The following FBLN2 variants were observed in gnomAD, a reference collection of about 807,000 sequenced individuals.
FBLN2 encodes the protein fibulin-2.
A neutral mutation model predicts 123.7 loss-of-function variants in FBLN2; 81 were observed. The observed-to-expected ratio is 0.65, with a 90% CI of 0.55 to 0.79. FBLN2 has a LOEUF of 0.79. Ranked by LOEUF, FBLN2 falls within the 30% of genes least tolerant of loss-of-function variation. FBLN2 has a pLI of 0.00. For missense variants in FBLN2, 1,603 were observed against 1,681.3 expected (o/e 0.95, Z 0.81); for synonymous variants, 699 against 701.4 (o/e 1.00, Z 0.05).
chr3:13,609,674 T>TGGGGGGGG, intron 4 of FBLN2, 32 bp downstream of exon 4: 3 of 62,574 alleles, frequency 4.8e-5, no homozygotes, highest in Non-Finnish European at 8.4e-5. Context: ...CAAGGCAGGG[T>TGGGGGGGG]GGGGTGGGGC....
At chr3:13,631,109 A>G (rs1473051611) in intron 15 of FBLN2, among the ~76,000 whole-genome samples, 2 of 152,236 alleles carry the variant, frequency 1.3e-5, no homozygotes, top group Non-Finnish European at 2.9e-5. Flanking sequence ...CTCAGCTGGT[A>G]GTAGCAGTCA....
chr3:13,560,719 C>G (rs1703580613), intron 1 of FBLN2, among the ~76,000 whole-genome samples: 1 of 152,194 alleles, frequency 6.6e-6, no homozygotes, highest in Non-Finnish European at 1.5e-5. Context: ...ATTTCCCTTC[C>G]TTCCGTTTCT....
intron 1 of FBLN2, among the ~76,000 whole-genome samples, chr3:13,555,886 C>T (rs74826789): frequency 0.037 from 5,673 of 152,320 alleles, 378 homozygotes; most frequent in African/African-American, 0.13. Context: ...ACAAGATCAC[C>T]GAGCGTTGGT....
At chr3:13,583,099 G>A (rs996960345) in intron 2 of FBLN2, among the ~76,000 whole-genome samples, 1 of 152,256 alleles carries the variant, frequency 6.6e-6, no homozygotes, top group Non-Finnish European at 1.5e-5. Context: ...CGAGCTGCGA[G>A]ACCCCTCCTT....
In FBLN2 at chr3:13,637,885, A is replaced by G. The variant is rs757739829; in HGVS notation, c.3662A>G (p.Lys1221Arg). 3 of 1,603,186 alleles carry G rather than the reference A, an allele frequency of 1.9e-6. No homozygotes were observed. Among genetic ancestry groups the G allele is most frequent in the Non-Finnish European group, 2.6e-6 (3 of 1,172,572 alleles). ...RQGSVTTFLA[K>R]MHIFFTTFAL ...GGCTCCGTCACCACCTTCCTGGCCA[A>G]GATGCACATCTTCTTCACCACCTTT... The change falls in exon 18 of 18, where the codon AAG becomes AGG. Residue 1221 changes from lysine to arginine, a missense_variant. Coordinates refer to ENST00000404922, the MANE Select transcript of FBLN2 (RefSeq NM_001004019.2).
At chr3:13,553,487 C>T (rs1268824298) in intron 1 of FBLN2, among the ~76,000 whole-genome samples, 4 of 152,148 alleles carry the variant, frequency 2.6e-5, no homozygotes, top group East Asian at 1.9e-4. Flanking sequence ...CCCTCGTGTA[C>T]GGGGCACCAC....
intron 4 of FBLN2, among the ~76,000 whole-genome samples, chr3:13,611,293 C>T (rs1053666650): frequency 6.6e-6 from 1 of 152,146 alleles, no homozygotes; most frequent in Non-Finnish European, 1.5e-5. Context: ...TAAAATTGAT[C>T]GTCTGAACCA....
chr3:13,607,623 T>G (rs1208376831), intron 2 of FBLN2, among the ~76,000 whole-genome samples: 1 of 152,168 alleles, frequency 6.6e-6, no homozygotes, highest in Non-Finnish European at 1.5e-5. Flanking sequence ...CATCTTAGGT[T>G]GGGTTCCTTA....
chr3:13,591,991 G>T (rs1377725495), intron 2 of FBLN2, among the ~76,000 whole-genome samples: 1 of 147,360 alleles, frequency 6.8e-6, no homozygotes, highest in Non-Finnish European at 1.5e-5. Context: ...GGCTGCATCT[G>T]TATGGTCTGT....
At chr3:13,575,565 C>T (rs1432619997) in intron 2 of FBLN2, among the ~76,000 whole-genome samples, 1 of 152,144 alleles carries the variant, frequency 6.6e-6, no homozygotes, top group East Asian at 1.9e-4. Flanking sequence ...TCAAAGCCCA[C>T]ACCTAAAAAA....
intron 5 of FBLN2, among the ~76,000 whole-genome samples, chr3:13,617,145 TCCATCCATCCATCCATC>T (rs1705641010): frequency 2.0e-5 from 3 of 149,978 alleles, no homozygotes; most frequent in African/African-American, 7.5e-5. Flanking sequence ...CATTCATCAA[TCCATCCATCCATCCATC>T]CATCCATCCA....
At chr3:13,615,882 G>A (rs1705583951) in intron 5 of FBLN2, among the ~76,000 whole-genome samples, 1 of 152,196 alleles carries the variant, frequency 6.6e-6, no homozygotes, top group Non-Finnish European at 1.5e-5. Flanking sequence ...CCTTGGTTCC[G>A]ATTGACCCAG....
intron 2 of FBLN2, among the ~76,000 whole-genome samples, chr3:13,592,465 G>T (rs1026704691): frequency 1.3e-5 from 2 of 152,148 alleles, no homozygotes; most frequent in Admixed American, 6.5e-5. Flanking sequence ...TTTCAAGATT[G>T]TTTCAGCTGT....
At chr3:13,614,939 T>TCCATCCAC (rs572113819) in intron 5 of FBLN2, among the ~76,000 whole-genome samples, 4,019 of 146,438 alleles carry the variant, frequency 0.027, 102 homozygotes, top group Non-Finnish European at 0.038. Flanking sequence ...CATCCATCCA[T>TCCATCCAC]CCACCCACCC....
At chr3:13,618,848 C>A in intron 6 of FBLN2, 56 bp from the exon 7 acceptor site, 1 of 1,341,710 alleles carries the variant, frequency 7.5e-7, no homozygotes, top group Non-Finnish European at 1.0e-6. Context: ...GTGCCTGAGG[C>A]CTGGCTGAAG....
intron 1 of FBLN2, among the ~76,000 whole-genome samples, chr3:13,566,229 G>A (rs753058955): frequency 3.3e-5 from 5 of 152,200 alleles, no homozygotes; most frequent in Non-Finnish European, 5.9e-5. Flanking sequence ...TGCAGAAGCC[G>A]GGGTTGTGGG....
intron 2 of FBLN2, among the ~76,000 whole-genome samples, chr3:13,607,834 T>A (rs1002622558): frequency 6.6e-6 from 1 of 152,056 alleles, no homozygotes; most frequent in African/African-American, 2.4e-5. Flanking sequence ...TCTGGCCCCA[T>A]GTTAACCTGT....
chr3:13,595,282 G>A lies in FBLN2; in HGVS notation c.1307-12780G>A, dbSNP rs545781328. ...CAGTGGGGATGCAGAAGCCGGTGCT[G>A]AGGGGGCTGGCTGGGGCTGCTCTGC... On this transcript the variant is annotated intron_variant, in intron 2 of 17. Coordinates refer to ENST00000404922, the MANE Select transcript of FBLN2 (RefSeq NM_001004019.2). 2.0e-3 allele frequency among the ~76,000 whole-genome samples: 301 copies of A among 152,304 alleles called. 1 individual carries two copies. Among genetic ancestry groups the A allele is most frequent in the Non-Finnish European group, 3.6e-3 (246 of 68,020 alleles).
At chr3:13,565,170 G>C (rs1703708420) in intron 1 of FBLN2, among the ~76,000 whole-genome samples, 1 of 152,234 alleles carries the variant, frequency 6.6e-6, no homozygotes, top group African/African-American at 2.4e-5. Context: ...TCAAGTGATG[G>C]CCCTGAGTAC....
Sources: allele counts gnomAD v4.1 joint callset (sites outside exome capture counted in the v4.1 genomes callset), GRCh38; gene constraint gnomAD v4.1.1; transcripts MANE v1.5; gene names NCBI Gene and HGNC (gene_info 2026-07-23, HGNC 2026-07-21).